The following CRACD variants were observed in gnomAD, a reference collection of about 807,000 sequenced individuals.
CRACD encodes the protein capping protein inhibiting regulator of actin dynamics.
Under a neutral mutation model 106.8 loss-of-function variants are expected in CRACD, and 56 were observed. The observed-to-expected ratio is 0.52, with a 90% CI of 0.42 to 0.66. The LOEUF is 0.66. CRACD is among the 30% of genes least tolerant of loss of function. The pLI, the probability that CRACD is intolerant of heterozygous loss-of-function variation, is 0.00. For missense variants in CRACD, 1,730 were observed against 1,623.2 expected, an observed-to-expected ratio of 1.07 and a Z score of -1.13; for synonymous variants, 754 against 670.8, an observed-to-expected ratio of 1.12 and a Z score of -1.92.
chr4:56,263,857 C>A (rs1248849916), intron 2 of CRACD, among the ~76,000 whole-genome samples: 3 of 152,138 alleles, frequency 2.0e-5, no homozygotes, highest in Non-Finnish European at 4.4e-5. Flanking sequence ...GGACATAGGT[C>A]TTGAAGAATG....
At chr4:56,226,917 C>A (rs751662598) in intron 2 of CRACD, among the ~76,000 whole-genome samples, 2 of 151,362 alleles carry the variant, frequency 1.3e-5, no homozygotes, top group Non-Finnish European at 2.9e-5. Flanking sequence ...CCTGTGGCTT[C>A]TTCTCCTTTG....
Position 56,218,906 on chromosome 4 carries a change from A to G in CRACD, c.-189+39476A>G, listed in dbSNP as rs111254510. The stretch of plus-strand genomic sequence containing the variant: ...TCATTTATTTTGGGCTATAACATAG[A>G]GCAATACATTTACCATCTTTCTTGC... On this transcript the variant is annotated intron_variant, in intron 2 of 10. Coordinates refer to ENST00000682029, the MANE Select transcript of CRACD (RefSeq NM_001393381.1). Among the ~76,000 whole-genome samples the G allele has an allele frequency of 3.0e-3, 459 of 152,292 alleles. 6 individuals carry two copies. The highest frequency in any genetic ancestry group is 0.011 in the African/African-American group (449 of 41,566).
At chr4:56,199,634 A>T (rs1311166582) in intron 2 of CRACD, among the ~76,000 whole-genome samples, 1 of 147,452 alleles carries the variant, frequency 6.8e-6, no homozygotes, top group Non-Finnish European at 1.5e-5. Flanking sequence ...GTGAGCCAAG[A>T]TGGTGCCACT....
At chr4:56,291,255 G>A (rs981725338) in intron 3 of CRACD, among the ~76,000 whole-genome samples, 4 of 152,192 alleles carry the variant, frequency 2.6e-5, no homozygotes, top group African/African-American at 9.7e-5. Flanking sequence ...AGGGAGAGGT[G>A]GAGTTGGCCT....
intron 1 of CRACD, among the ~76,000 whole-genome samples, chr4:56,072,140 A>G (rs1018138012): frequency 1.3e-5 from 2 of 151,560 alleles, no homozygotes; most frequent in Admixed American, 6.6e-5. Flanking sequence ...AAAAAAAAAA[A>G]AAAAGAAAAG....
At chr4:56,093,791 C>T (rs1733505405) in intron 1 of CRACD, among the ~76,000 whole-genome samples, 1 of 152,110 alleles carries the variant, frequency 6.6e-6, no homozygotes, top group African/African-American at 2.4e-5. Context: ...TGGCCCAGGG[C>T]AATTTTAGAT....
rs1457841745 is a variant in CRACD at position 56,273,304 on chromosome 4, CCTTT to C, written c.-17+816_-17+819del. On this transcript the variant is annotated intron_variant, in intron 3 of 10. Coordinates refer to ENST00000682029, the MANE Select transcript of CRACD (RefSeq NM_001393381.1). ...GCCTGCCTGCCTGCCTGCCTTCCTTCCTTTCTTCCTTCCTTCCTTCCTTCCTTCC... is the reference window on the plus strand; with the variant it reads ...GCCTGCCTGCCTGCCTGCCTTCCTTCCTTCCTTCCTTCCTTCCTTCCTTCC... Among the ~76,000 whole-genome samples, 159 of 151,788 alleles carry C rather than the reference CCTTT, an allele frequency of 1.0e-3. 2 individuals are homozygous for C. Among genetic ancestry groups the C allele is most frequent in the Middle Eastern group, 3.4e-3 (1 of 294 alleles).
chr4:56,211,293 A>G (rs1461665157), intron 2 of CRACD, among the ~76,000 whole-genome samples: 2 of 152,208 alleles, frequency 1.3e-5, no homozygotes, highest in Non-Finnish European at 2.9e-5. Flanking sequence ...GATTTTTCCC[A>G]GTCACTTTGC....
intron 2 of CRACD, among the ~76,000 whole-genome samples, chr4:56,248,882 A>G (rs1740870994): frequency 6.8e-6 from 1 of 148,032 alleles, no homozygotes; most frequent in Non-Finnish European, 1.5e-5. Flanking sequence ...AATTTCATCC[A>G]TGTCCCTACA....
At chr4:56,190,372 G>C (rs893494165) in intron 2 of CRACD, among the ~76,000 whole-genome samples, 1 of 152,036 alleles carries the variant, frequency 6.6e-6, no homozygotes, top group Non-Finnish European at 1.5e-5. Flanking sequence ...ATTTCTAGTT[G>C]TAGATCCCTG....
At chr4:56,270,977 C>T (rs866356632) in intron 2 of CRACD, among the ~76,000 whole-genome samples, 14 of 151,660 alleles carry the variant, frequency 9.2e-5, no homozygotes, top group Admixed American at 2.0e-4. Context: ...TGGTGGCAGG[C>T]GCCTGTGATC....
intron 3 of CRACD, among the ~76,000 whole-genome samples, chr4:56,280,036 C>T (rs994754448): frequency 2.7e-5 from 4 of 149,016 alleles, no homozygotes; most frequent in Admixed American, 6.8e-5. Flanking sequence ...AGCAAACTAT[C>T]GCAAGGACAA....
chr4:56,150,543 C>G (rs1263047605), intron 1 of CRACD, among the ~76,000 whole-genome samples: 1 of 152,160 alleles, frequency 6.6e-6, no homozygotes, highest in Non-Finnish European at 1.5e-5. Context: ...ATGCATCTTC[C>G]CAATCATAAT....
intron 1 of CRACD, among the ~76,000 whole-genome samples, chr4:56,178,351 C>A (rs1041374175): frequency 1.3e-5 from 2 of 152,118 alleles, no homozygotes; most frequent in African/African-American, 4.8e-5. Flanking sequence ...CCCTGTGCCT[C>A]CTAAAAAACC....
intron 1 of CRACD, among the ~76,000 whole-genome samples, chr4:56,130,061 C>A (rs768421530): frequency 6.6e-6 from 1 of 152,064 alleles, no homozygotes; most frequent in Non-Finnish European, 1.5e-5. Flanking sequence ...ACCACTTGAG[C>A]TTAGTTTGCG....
chr4:56,164,373 A>T (rs1736066147), intron 1 of CRACD, among the ~76,000 whole-genome samples: 1 of 150,812 alleles, frequency 6.6e-6, no homozygotes, highest in African/African-American at 2.4e-5. Context: ...TGACCTCGTG[A>T]TCCACCTGCC....
intron 2 of CRACD, among the ~76,000 whole-genome samples, chr4:56,268,900 A>T (rs1742188389): frequency 6.6e-6 from 1 of 152,240 alleles, no homozygotes; most frequent in South Asian, 2.1e-4. Context: ...AACCTAAAGT[A>T]GGTGTCATGA....
At chr4:56,202,981 G>A (rs957923211) in intron 2 of CRACD, among the ~76,000 whole-genome samples, 20 of 152,182 alleles carry the variant, frequency 1.3e-4, no homozygotes, top group African/African-American at 4.6e-4. Context: ...TGCTGAATTA[G>A]TTGAGGGGAT....
chr4:56,199,624 G>A (rs1737785539), intron 2 of CRACD, among the ~76,000 whole-genome samples: 1 of 147,972 alleles, frequency 6.8e-6, no homozygotes, highest in Non-Finnish European at 1.5e-5. Context: ...AGAGGCTGCA[G>A]TGAGCCAAGA....
Sources: allele counts gnomAD v4.1 joint callset (sites outside exome capture counted in the v4.1 genomes callset), GRCh38; gene constraint gnomAD v4.1.1; transcripts MANE v1.5; gene names NCBI Gene and HGNC (gene_info 2026-07-23, HGNC 2026-07-21).